Variants in HSPA4 observed in about 807,000 individuals in gnomAD.
The protein encoded by HSPA4 is heat shock protein family A (Hsp70) member 4.
A neutral mutation model predicts 106.2 loss-of-function variants in HSPA4; 25 were observed. That is an observed-to-expected ratio of 0.24 (90% CI 0.17 to 0.33). The LOEUF (loss-of-function observed/expected upper bound fraction) is 0.33, where lower values mean the gene tolerates loss of function less well. Ranked by LOEUF, HSPA4 falls within the 10% of genes least tolerant of loss-of-function variation. The pLI is 1.00. For missense variants in HSPA4, 841 were observed against 996.0 expected, an observed-to-expected ratio of 0.84 and a Z score of 2.10; for synonymous variants, 332 against 333.6, an observed-to-expected ratio of 1.00 and a Z score of 0.05.
intron 12 of HSPA4, among the ~76,000 whole-genome samples, 185 bp from the exon 13 acceptor site, chr5:133,092,515 A>G (rs73272721): frequency 0.023 from 3,451 of 152,252 alleles, 131 homozygotes; most frequent in African/African-American, 0.075. Flanking sequence ...GTACAGATGT[A>G]TTAACTAAGA....
At chr5:133,053,507 C>G (rs1400160357) in intron 1 of HSPA4, among the ~76,000 whole-genome samples, 3 of 151,838 alleles carry the variant, frequency 2.0e-5, no homozygotes, top group Non-Finnish European at 4.4e-5. Flanking sequence ...CGCCACCATG[C>G]TTGGCTAATT....
At chr5:133,083,736 C>T (rs992767378) in intron 7 of HSPA4, among the ~76,000 whole-genome samples, 11 of 151,960 alleles carry the variant, frequency 7.2e-5, no homozygotes, top group Non-Finnish European at 1.6e-4. Context: ...GTTGTTTCTC[C>T]GTGTTGGTCA....
chr5:133,068,544 ATGAGAAAAAGGTAGT>A (rs1331901276), intron 3 of HSPA4, among the ~76,000 whole-genome samples: 3 of 152,194 alleles, frequency 2.0e-5, no homozygotes, highest in African/African-American at 4.8e-5. Context: ...GTTGAGAACC[ATGAGAAAAAGGTAGT>A]CTGCTGTTGC....
chr5:133,074,150 A>T (rs374749021), intron 6 of HSPA4, 24 bp downstream of exon 6: 22 of 1,519,788 alleles, frequency 1.4e-5, no homozygotes, highest in Non-Finnish European at 1.9e-5. Flanking sequence ...TTTTTTCCAG[A>T]AGACTGTTAG....
chr5:133,066,533 C>T (rs2126697654), intron 2 of HSPA4, among the ~76,000 whole-genome samples: 1 of 152,246 alleles, frequency 6.6e-6, no homozygotes, highest in Admixed American at 6.5e-5. Context: ...GAAAACTTTA[C>T]CTGTTGATAT....
rs73788293 is a variant in HSPA4, at chr5:133,070,355, C to T, written c.307-19C>T. 3,324 of 1,605,562 alleles carry T rather than the reference C, an allele frequency of 2.1e-3. 63 individuals are homozygous for T. The African/African-American group carries it at 0.039, about 19-fold the overall frequency. ...AAAGAAATATAATAAGTCTAGGCCC[C>T]TTTGTTGTTTTCTTGCAGGTGACAT... On this transcript the variant is annotated intron_variant, in intron 3 of 18. Coordinates refer to ENST00000304858, the MANE Select transcript of HSPA4 (RefSeq NM_002154.4).
intron 1 of HSPA4, among the ~76,000 whole-genome samples, chr5:133,053,728 C>A (rs987160147): frequency 6.6e-6 from 1 of 151,736 alleles, no homozygotes; most frequent in Admixed American, 6.6e-5. Context: ...GGCATGCTCT[C>A]GGCTCATTGC....
intron 13 of HSPA4, among the ~76,000 whole-genome samples, chr5:133,095,056 A>C (rs1010755424): frequency 6.6e-6 from 1 of 152,232 alleles, no homozygotes; most frequent in East Asian, 1.9e-4. Flanking sequence ...TCACACCTGT[A>C]ATCCAGCACT....
At position 133,073,991 on chromosome 5, in the gene HSPA4, A is replaced by G. The variant is rs779331377; in HGVS notation, c.530-2A>G. On this transcript the variant is annotated splice_acceptor_variant, in intron 5 of 18. Transcript: ENST00000304858. LOFTEE classifies it high-confidence loss of function. ...TTAATTTTTGTGTTTTTTCTTCTGT[A>G]GTTGCTCTTGCATATGGAATCTATA... The G allele has an allele frequency of 6.4e-7, 1 of 1,559,062 alleles. No individual in the cohort carries two copies. The highest frequency in any genetic ancestry group is 2.3e-5 in the East Asian group (1 of 43,708).
chr5:133,089,657 G>C lies in HSPA4; in HGVS notation c.1340G>C (p.Ser447Thr). ...KEPFTLEAYYSSPQDLPYPDP... is the reference protein window; with the variant it reads ...KEPFTLEAYYTSPQDLPYPDP... Reference sequence around the variant, plus strand: ...CCTTTCACTCTTGAGGCCTACTACAGCTCTCCTCAGGATTTGCCCTATCCA... The same window carrying C: ...CCTTTCACTCTTGAGGCCTACTACACCTCTCCTCAGGATTTGCCCTATCCA... The change falls in exon 11 of 19, where the codon AGC becomes ACC. Residue 447 changes from serine (S) to threonine (T), a missense_variant. By Grantham distance (58) the Ser-to-Thr change is moderately conservative (BLOSUM62 1). Coordinates refer to ENST00000304858, the MANE Select transcript of HSPA4 (RefSeq NM_002154.4). 4.3e-6 allele frequency: 7 copies of C among 1,610,438 alleles called. No homozygotes were observed. The highest frequency in any genetic ancestry group is 5.9e-6 in the Non-Finnish European group (7 of 1,178,040).
intron 1 of HSPA4, among the ~76,000 whole-genome samples, chr5:133,056,540 G>A (rs1245362014): frequency 6.6e-6 from 1 of 152,166 alleles, no homozygotes; most frequent in Non-Finnish European, 1.5e-5. Context: ...CAAAGTGCTG[G>A]GAATACAGGC....
chr5:133,082,860 G>T (rs1765529649), intron 7 of HSPA4, among the ~76,000 whole-genome samples: 1 of 152,060 alleles, frequency 6.6e-6, no homozygotes, highest in African/African-American at 2.4e-5. Context: ...TACTGTCCAG[G>T]CATGGTGGCT....
chr5:133,055,287 A>T (rs1475143377), intron 1 of HSPA4, among the ~76,000 whole-genome samples: 3 of 149,978 alleles, frequency 2.0e-5, no homozygotes, highest in African/African-American at 7.3e-5. Flanking sequence ...GCTAAATAGA[A>T]AATGGTAGCA....
chr5:133,084,033 A>G (rs6867994), intron 7 of HSPA4, among the ~76,000 whole-genome samples: 3,325 of 152,318 alleles, frequency 0.022, 112 homozygotes, highest in African/African-American at 0.075. Flanking sequence ...CTGAGTTTCA[A>G]CATACACATA....
chr5:133,058,863 C>T (rs1005738912), intron 1 of HSPA4, among the ~76,000 whole-genome samples: 1 of 151,734 alleles, frequency 6.6e-6, no homozygotes, highest in East Asian at 1.9e-4. Context: ...TGTGGTGGCT[C>T]ACACCTGTAA....
intron 16 of HSPA4, among the ~76,000 whole-genome samples, chr5:133,100,660 C>G (rs1765773850): frequency 6.6e-6 from 1 of 152,178 alleles, no homozygotes. Context: ...TGGCGGGTGC[C>G]TGTAGTCCCA....
At chr5:133,094,483 G>A (rs1304755329) in intron 13 of HSPA4, among the ~76,000 whole-genome samples, 1 of 152,198 alleles carries the variant, frequency 6.6e-6, no homozygotes, top group Non-Finnish European at 1.5e-5. Flanking sequence ...AGGAAATGGT[G>A]CTTACAGATT....
intron 7 of HSPA4, among the ~76,000 whole-genome samples, chr5:133,085,700 T>C (rs1190011507): frequency 5.3e-5 from 8 of 150,716 alleles, no homozygotes; most frequent in Admixed American, 5.3e-4. Context: ...AAAAAAACTA[T>C]GCAGACAATA....
chr5:133,080,979 T>C (rs905316429), intron 7 of HSPA4, among the ~76,000 whole-genome samples: 1 of 152,230 alleles, frequency 6.6e-6, no homozygotes, highest in Non-Finnish European at 1.5e-5. Flanking sequence ...TTGTACCCAT[T>C]AGCATTTACT....
Sources: gnomAD v4.1 joint callset for allele counts (sites outside exome capture counted in the v4.1 genomes callset) on GRCh38, gnomAD v4.1.1 for gene constraint, MANE v1.5 for transcripts, NCBI Gene and HGNC (gene_info 2026-07-23, HGNC 2026-07-21) for gene names.